TOP1MT: variants seen among roughly 807,000 people sequenced by gnomAD.
TOP1MT encodes DNA topoisomerase I, mitochondrial.
Under a neutral mutation model 73.9 loss-of-function variants are expected in TOP1MT, and 80 were observed. That is an observed-to-expected ratio of 1.08 (90% CI 0.90 to 1.30). TOP1MT has a LOEUF of 1.30. Among genes scored for constraint, TOP1MT ranks in the 50% most tolerant of loss-of-function variants. TOP1MT has a pLI of 0.00. For missense variants in TOP1MT, 815 were observed against 808.0 expected, an observed-to-expected ratio of 1.01 and a Z score of -0.10; for synonymous variants, 338 against 326.4, an observed-to-expected ratio of 1.04 and a Z score of -0.38.
chr8:143,322,103 G>A (rs1352074399), intron 7 of TOP1MT, among the ~76,000 whole-genome samples: 29 of 83,844 alleles, frequency 3.5e-4, no homozygotes, highest in African/African-American at 1.2e-3. Context: ...AAACACGCAC[G>A]CCACACATGC....
chr8:143,332,361 G>A (rs1816880828), intron 1 of TOP1MT: 4 of 671,610 alleles, frequency 6.0e-6, no homozygotes, highest in Non-Finnish European at 9.2e-6. Context: ...CAGTGCAAAG[G>A]CCTCAGTGGG....
intron 2 of TOP1MT, among the ~76,000 whole-genome samples, chr8:143,340,469 G>A (rs1431859956): frequency 6.6e-6 from 1 of 152,036 alleles, no homozygotes; most frequent in Non-Finnish European, 1.5e-5. Context: ...GCTGCCTCCT[G>A]GCCATCTTTC....
upstream of TOP1MT, among the ~76,000 whole-genome samples, chr8:143,339,393 G>A (rs970663669): frequency 7.9e-5 from 12 of 152,208 alleles, no homozygotes; most frequent in Non-Finnish European, 1.5e-5. Context: ...AGGGGTGACG[G>A]CTACAACTGC....
intron 2 of TOP1MT, among the ~76,000 whole-genome samples, chr8:143,340,856 A>C (rs1214694667): frequency 1.6e-4 from 25 of 151,858 alleles, no homozygotes. Context: ...GGTTTTTCCC[A>C]CCCACACTTC....
At chr8:143,319,641 A>G (rs1816273459) in intron 8 of TOP1MT, among the ~76,000 whole-genome samples, 1 of 151,604 alleles carries the variant, frequency 6.6e-6, no homozygotes, top group Non-Finnish European at 1.5e-5. Flanking sequence ...AGATCTACCC[A>G]GCCCTTCCCG....
intron 13 of TOP1MT, 123 bp from the exon 14 acceptor site, chr8:143,309,666 C>A: frequency 5.2e-6 from 8 of 1,529,734 alleles, no homozygotes; most frequent in Non-Finnish European, 6.1e-6. Flanking sequence ...CCTGGTGTAG[C>A]TGGGACCTGC....
intron 7 of TOP1MT, among the ~76,000 whole-genome samples, chr8:143,322,098 C>T (rs1420482158): frequency 3.6e-5 from 4 of 111,844 alleles, no homozygotes; most frequent in Non-Finnish European, 5.3e-5. Flanking sequence ...ATGCCAAACA[C>T]GCACGCCACA....
chr8:143,310,959 C>CTTTTT, intron 12 of TOP1MT, among the ~76,000 whole-genome samples: 1 of 128,146 alleles, frequency 7.8e-6, no homozygotes, highest in Non-Finnish European at 1.6e-5. Flanking sequence ...TTTCTCTTGG[C>CTTTTT]TTTTTTTTTT....
At chr8:143,337,115 T>C (rs1476461075), upstream of TOP1MT, among the ~76,000 whole-genome samples, 1 of 152,136 alleles carries the variant, frequency 6.6e-6, no homozygotes, top group Admixed American at 6.5e-5. Flanking sequence ...GTTCACGGAC[T>C]GGATGATTTC....
At chr8:143,327,786 G>A (rs576421557) in intron 3 of TOP1MT, 27 of 437,086 alleles carry the variant, frequency 6.2e-5, no homozygotes, top group African/African-American at 1.4e-4. Flanking sequence ...GTCCAGAAGC[G>A]GAGCCTGCAC....
chr8:143,319,320 G>A (rs1816265192), intron 8 of TOP1MT, among the ~76,000 whole-genome samples: 1 of 151,400 alleles, frequency 6.6e-6, no homozygotes, highest in African/African-American at 2.4e-5. Flanking sequence ...TTAGAGACTA[G>A]GTCTGGCTCT....
At chr8:143,358,605 G>C (rs537235738), upstream of TOP1MT, 3 of 152,202 alleles carry the variant, frequency 2.0e-5, no homozygotes, top group African/African-American at 7.2e-5. Flanking sequence ...TCATCCACTG[G>C]CAACTGCTTC....
intron 3 of TOP1MT, among the ~76,000 whole-genome samples, chr8:143,328,558 G>C (rs1301107835): frequency 6.6e-6 from 1 of 152,378 alleles, no homozygotes; most frequent in East Asian, 1.9e-4. Flanking sequence ...GTTCAGCCTG[G>C]TGTTGCTAGT....
chr8:143,333,129 T>C (rs1439886639), intron 1 of TOP1MT, among the ~76,000 whole-genome samples: 2 of 150,946 alleles, frequency 1.3e-5, no homozygotes, highest in African/African-American at 4.9e-5. Context: ...TGTGAGAAAA[T>C]GGGAAACCAC....
At chr8:143,359,298 T>C (rs1009467240), upstream of TOP1MT, 19 of 984,210 alleles carry the variant, frequency 1.9e-5, no homozygotes, top group Non-Finnish European at 2.3e-5. Context: ...AGCAAAGCGA[T>C]CCAGGAGAAG....
At chr8:143,322,990 G>A (rs1401910941) in intron 7 of TOP1MT, among the ~76,000 whole-genome samples, 41 of 69,516 alleles carry the variant, frequency 5.9e-4, no homozygotes, top group Non-Finnish European at 9.8e-4. Context: ...CGCCACACAC[G>A]CACGCCACAC....
chr8:143,349,110 G>A (rs936573903), upstream of TOP1MT, among the ~76,000 whole-genome samples: 2 of 152,082 alleles, frequency 1.3e-5, no homozygotes, highest in African/African-American at 4.8e-5. Flanking sequence ...ACCCACCAGA[G>A]ACCAACAGGC....
intron 7 of TOP1MT, among the ~76,000 whole-genome samples, chr8:143,323,623 CCA>C (rs1362511870): frequency 5.9e-5 from 4 of 68,322 alleles, no homozygotes; most frequent in African/African-American, 8.6e-5. Flanking sequence ...CACAGGCACG[CCA>C]CACACGCACG....
rs1277599208 is a variant in TOP1MT at position 143,323,575 on chromosome 8, CA to C, written c.960+423del. ...ACGCACGCCACACACATGCACGCCA[CA>C]CACACAGGCACGCCACACACACACG... is the stretch of plus-strand genomic sequence containing the variant. On this transcript the variant is annotated intron_variant, in intron 7 of 13. Transcript: ENST00000329245. Among the ~76,000 whole-genome samples the C allele has an allele frequency of 7.8e-3, 472 of 60,580 alleles. 15 individuals carry two copies. The highest frequency in any genetic ancestry group is 0.023 in the East Asian group (16 of 688). The allele number at this position is 60,580 out of a possible 152,430, so 39.7% of individuals were successfully genotyped here.
Sources: gnomAD v4.1 joint callset for allele counts (sites outside exome capture counted in the v4.1 genomes callset) on GRCh38, gnomAD v4.1.1 for gene constraint, MANE v1.5 for transcripts, NCBI Gene and HGNC (gene_info 2026-07-23, HGNC 2026-07-21) for gene names.